The following MPPE1 variants were observed in gnomAD, a reference collection of about 807,000 sequenced individuals.
The protein encoded by MPPE1 is metallophosphoesterase 1.
In MPPE1, 28 loss-of-function variants were observed where a neutral mutation model predicts 43.8. That is an observed-to-expected ratio of 0.64 (90% CI 0.47 to 0.88). The LOEUF (loss-of-function observed/expected upper bound fraction) is 0.88, where lower values mean the gene tolerates loss of function less well. Ranked by LOEUF, MPPE1 falls within the 40% of genes least tolerant of loss-of-function variation. The probability of loss-of-function intolerance (pLI) is 0.00; values close to 1 mark genes in which losing one functional copy is unlikely to be tolerated. For missense variants in MPPE1, 428 were observed against 492.2 expected, an observed-to-expected ratio of 0.87 and a Z score of 1.23; for synonymous variants, 159 against 188.5, an observed-to-expected ratio of 0.84 and a Z score of 1.28.
rs2037232068 is a variant in MPPE1, at chr18:11,886,302, TGG to T, written c.867+195_867+196del. On this transcript the variant is annotated intron_variant, in intron 9 of 10. Coordinates refer to ENST00000588072, the MANE Select transcript of MPPE1 (RefSeq NM_023075.6). This position sits in a 1 kb window ranked among gnomAD's most constrained non-coding sequence, Gnocchi z 4.1. ...GGGTAGGAAACAGAAGTAGGTTTAC[TGG>T]AAAAAAAAAAAGCGATTAAATGAAA... 2.9e-6 allele frequency: 2 copies of T among 678,506 alleles called. No individual in the cohort carries two copies. The highest frequency in any genetic ancestry group is 6.0e-5 in the Admixed American group (2 of 33,086). The allele number at this position is 678,506 out of a possible 1,614,324, so 42.0% of individuals were successfully genotyped here. A position where few individuals can be genotyped will look rare whatever the true frequency, so the allele number is the denominator to read the frequency against.
Position 11,884,594 on chromosome 18 carries a change from T to TG in MPPE1, c.1041dup (p.Lys348GlnfsTer7). On this transcript the variant is annotated frameshift_variant, in exon 11 of 11. Coordinates refer to ENST00000588072, the MANE Select transcript of MPPE1 (RefSeq NM_023075.6). LOFTEE classifies it low-confidence loss of function (END_TRUNC). The stretch of plus-strand genomic sequence containing the variant: ...ACATCCTCACGTGGGAGGTAGCACT[T>TG]GGAGAGGGTGTAGTCTGTGGGCGTG... 6.2e-7 allele frequency: 1 copy of TG among 1,613,836 alleles called. No individual in the cohort carries two copies. Among genetic ancestry groups the TG allele is most frequent in the Non-Finnish European group, 8.5e-7 (1 of 1,180,016 alleles).
chr18:11,890,752 G>C (rs2037906114), intron 4 of MPPE1, among the ~76,000 whole-genome samples: 1 of 152,196 alleles, frequency 6.6e-6, no homozygotes, highest in African/African-American at 2.4e-5. Flanking sequence ...CTTCAGATCT[G>C]GGCATGCTAT....
intron 2 of MPPE1, among the ~76,000 whole-genome samples, chr18:11,901,656 T>C (rs2509832): frequency 0.33 from 50,526 of 151,498 alleles, 10,655 homozygotes; most frequent in African/African-American, 0.59. Flanking sequence ...ACCTGGCCAA[T>C]GTGGTGAAAC....
Position 11,886,665 on chromosome 18 carries a change from C to A in MPPE1, c.745-44G>T, listed in dbSNP as rs773046602. 10 of 1,613,888 alleles carry A rather than the reference C, an allele frequency of 6.2e-6. No individual in the cohort carries two copies. In the South Asian group the frequency reaches 1.1e-4, roughly 18 times the overall value. Reference sequence around the variant, plus strand: ...GGAGTTCAGGCGGCTATCGTGAAACCACAGGCTGCCTGCTGTCTGCCATGA... The same window carrying A: ...GGAGTTCAGGCGGCTATCGTGAAACAACAGGCTGCCTGCTGTCTGCCATGA... On this transcript the variant is annotated intron_variant, in intron 8 of 10. Transcript: ENST00000588072. The surrounding 1 kb of genome is among the most constrained non-coding windows in gnomAD (Gnocchi z 4.1).
At chr18:11,900,777 G>T (rs1041607494) in intron 2 of MPPE1, among the ~76,000 whole-genome samples, 3 of 152,066 alleles carry the variant, frequency 2.0e-5, no homozygotes, top group East Asian at 1.9e-4. Flanking sequence ...CGTGGTGGCA[G>T]ACGCCTGTAG....
At chr18:11,885,465 G>T in intron 10 of MPPE1, 1 of 592,824 alleles carries the variant, frequency 1.7e-6, no homozygotes, top group Non-Finnish European at 2.9e-6. Context: ...CCCTGCCCTC[G>T]CTTCTCACAT....
At chr18:11,905,665 C>T (rs1332150447) in intron 2 of MPPE1, 1 of 152,334 alleles carries the variant, frequency 6.6e-6, no homozygotes, top group Non-Finnish European at 1.5e-5. Context: ...CATTTTCTGA[C>T]TCAGCTGAAG....
intron 3 of MPPE1, among the ~76,000 whole-genome samples, chr18:11,895,999 A>G (rs947042309): frequency 4.6e-5 from 7 of 151,928 alleles, no homozygotes; most frequent in Non-Finnish European, 1.0e-4. Context: ...AAGACACTGC[A>G]GGCCCCCCAC....
Position 11,884,347 on chromosome 18 carries a change from A to G in MPPE1, c.*98T>C. 17 of 1,125,982 alleles carry G rather than the reference A, an allele frequency of 1.5e-5. No homozygotes were observed. Among genetic ancestry groups the G allele is most frequent in the Non-Finnish European group, 1.8e-5 (14 of 769,110 alleles). The allele number at this position is 1,125,982 out of a possible 1,614,324, so 69.7% of individuals were successfully genotyped here. A position where few individuals can be genotyped will look rare whatever the true frequency, so the allele number is the denominator to read the frequency against. ...GAGAATTTCTGTGCTGTGCAGAGAG[A>G]CGGCCTGTAATTGGTCTCATCATCC... On this transcript the variant is annotated 3_prime_UTR_variant, in exon 11 of 11. Transcript: ENST00000588072.
At chr18:11,902,103 C>T (rs933624759) in intron 2 of MPPE1, among the ~76,000 whole-genome samples, 25 of 152,232 alleles carry the variant, frequency 1.6e-4, no homozygotes, top group African/African-American at 5.8e-4. Flanking sequence ...TATCTTCCAA[C>T]TGGGGACAGC....
At chr18:11,907,293 G>GA (rs1279495280) in intron 1 of MPPE1, among the ~76,000 whole-genome samples, 9 of 151,976 alleles carry the variant, frequency 5.9e-5, no homozygotes, top group Non-Finnish European at 1.2e-4. Context: ...CTATAACCCG[G>GA]AAACCCCCGA....
rs551746692 is a variant in MPPE1 at position 11,883,393 on chromosome 18, C to T, written c.*1052G>A. The stretch of plus-strand genomic sequence containing the variant: ...GTATGCATCATTACTCAACAATTAC[C>T]CTCTAACTAAACATCCTGTTTAAGA... On this transcript the variant is annotated 3_prime_UTR_variant, in exon 11 of 11. Coordinates refer to ENST00000588072, the MANE Select transcript of MPPE1 (RefSeq NM_023075.6). 2.6e-5 allele frequency: 4 copies of T among 153,376 alleles called. No individual in the cohort carries two copies. Among genetic ancestry groups the T allele is most frequent in the African/African-American group, 9.6e-5 (4 of 41,546 alleles). The allele number at this position is 153,376 out of a possible 1,614,324, so 9.5% of individuals were successfully genotyped here.
intron 4 of MPPE1, among the ~76,000 whole-genome samples, chr18:11,890,927 T>A (rs984304582): frequency 6.6e-6 from 1 of 152,266 alleles, no homozygotes; most frequent in Admixed American, 6.5e-5. Context: ...TTGTAAAAAA[T>A]TTTTCAAAAT....
chr18:11,886,390 T>G lies in MPPE1; in HGVS notation c.867+109A>C. On this transcript the variant is annotated intron_variant, in intron 9 of 10. Coordinates refer to ENST00000588072, the MANE Select transcript of MPPE1 (RefSeq NM_023075.6). This position sits in a 1 kb window ranked among gnomAD's most constrained non-coding sequence, Gnocchi z 4.1. The stretch of plus-strand genomic sequence containing the variant: ...GTCCCCCCAGGTGATAACTAAGTCA[T>G]GAACGTTTCAGCAAACACCTGCTCT... 6.6e-7 allele frequency: 1 copy of G among 1,504,500 alleles called. No homozygotes were observed. The highest frequency in any genetic ancestry group is 9.2e-7 in the Non-Finnish European group (1 of 1,088,734). 93.2% of individuals were successfully genotyped at this position (1,504,500 alleles called of 1,614,324 possible).
intron 2 of MPPE1, chr18:11,902,851 G>C (rs2039338577): frequency 6.6e-6 from 1 of 152,296 alleles, no homozygotes; most frequent in African/African-American, 2.4e-5. Flanking sequence ...CAGTCCTCCA[G>C]CTTCCCTGGA....
chr18:11,884,908 T>A (rs2036952359), intron 10 of MPPE1: 1 of 1,294,738 alleles, frequency 7.7e-7, no homozygotes, highest in Non-Finnish European at 9.9e-7. Context: ...GCTCACTGGG[T>A]TCCCATCAAA....
At chr18:11,896,811 G>A (rs1226225196) in intron 3 of MPPE1, among the ~76,000 whole-genome samples, 173 bp downstream of exon 3, 1 of 152,202 alleles carries the variant, frequency 6.6e-6, no homozygotes, top group Non-Finnish European at 1.5e-5. Flanking sequence ...ATGGGGCCCT[G>A]TATATATCCT....
intron 1 of MPPE1, among the ~76,000 whole-genome samples, chr18:11,906,847 T>G (rs2039767644): frequency 8.3e-6 from 1 of 120,866 alleles, no homozygotes; most frequent in African/African-American, 3.8e-5. Context: ...AGAGCGAAAC[T>G]CCGTCTCAAA....
At chr18:11,903,679 G>A (rs1022606266) in intron 2 of MPPE1, among the ~76,000 whole-genome samples, 1 of 152,164 alleles carries the variant, frequency 6.6e-6, no homozygotes, top group African/African-American at 2.4e-5. Flanking sequence ...GGTTGCAGGT[G>A]CCTATAGTCC....
Sources: gnomAD v4.1 joint callset for allele counts (sites outside exome capture counted in the v4.1 genomes callset) on GRCh38, gnomAD v4.1.1 for gene constraint, Gnocchi (gnomAD v3.1) non-coding constraint, MANE v1.5 for transcripts, NCBI Gene and HGNC (gene_info 2026-07-23, HGNC 2026-07-21) for gene names.